The following COBLL1 variants were observed in gnomAD, a reference collection of about 807,000 sequenced individuals.
The protein encoded by COBLL1 is cordon-bleu protein-like 1.
Under a neutral mutation model 94.8 loss-of-function variants are expected in COBLL1, and 50 were observed. The ratio of observed to expected loss-of-function variants is 0.53; its 90% CI spans 0.42 to 0.67. COBLL1 has a LOEUF of 0.67. Ranked by LOEUF, COBLL1 falls within the 30% of genes least tolerant of loss-of-function variation. The probability of loss-of-function intolerance (pLI) is 0.00; values close to 1 mark genes in which losing one functional copy is unlikely to be tolerated. For missense variants in COBLL1, 1,362 were observed against 1,348.7 expected (o/e 1.01, Z -0.15); for synonymous variants, 448 against 473.8 (o/e 0.95, Z 0.71).
chr2:164,703,144 C>T lies in COBLL1; in HGVS notation c.1225+1300G>A, dbSNP rs1420165257. 5 of 1,613,840 alleles carry T rather than the reference C, an allele frequency of 3.1e-6. No homozygotes were observed. In the African/African-American group the frequency reaches 4.0e-5, roughly 13 times the overall value. ...TGGCTGCCTCAGGTGTCCCAGGGCACTCAAAGACAGAGGTTTCCTCCATCA... is the reference window on the plus strand; with the variant it reads ...TGGCTGCCTCAGGTGTCCCAGGGCATTCAAAGACAGAGGTTTCCTCCATCA... On this transcript the variant is annotated intron_variant, in intron 9 of 13. Coordinates refer to ENST00000652658, the MANE Select transcript of COBLL1 (RefSeq NM_001365672.2).
chr2:164,832,962 G>A (rs1283782900), intron 2 of COBLL1, among the ~76,000 whole-genome samples: 1 of 152,010 alleles, frequency 6.6e-6, no homozygotes. Context: ...AGAATTGCTT[G>A]AAACCGGGAG....
intron 2 of COBLL1, among the ~76,000 whole-genome samples, chr2:164,792,533 T>C (rs1210549541): frequency 6.6e-6 from 1 of 152,148 alleles, no homozygotes; most frequent in African/African-American, 2.4e-5. Flanking sequence ...TCAAAAGACG[T>C]AGGACCAAAT....
intron 13 of COBLL1, among the ~76,000 whole-genome samples, chr2:164,688,789 C>T (rs910026479): frequency 3.3e-5 from 5 of 152,056 alleles, no homozygotes; most frequent in African/African-American, 1.2e-4. Flanking sequence ...CCAGTTTTTT[C>T]CTTCCCTCCA....
chr2:164,764,601 A>C (rs1687848050), intron 2 of COBLL1, among the ~76,000 whole-genome samples: 2 of 152,134 alleles, frequency 1.3e-5, no homozygotes, highest in African/African-American at 4.8e-5. Flanking sequence ...AAAATGACTG[A>C]GTCCAGGTGT....
At chr2:164,720,530 T>G (rs1333756708) in intron 7 of COBLL1, among the ~76,000 whole-genome samples, 1 of 152,084 alleles carries the variant, frequency 6.6e-6, no homozygotes, top group Non-Finnish European at 1.5e-5. Context: ...TATATTAATA[T>G]ATGCAAAAAG....
chr2:164,766,723 T>G lies in COBLL1; in HGVS notation c.42-22848A>C, dbSNP rs1273273875. The stretch of plus-strand genomic sequence containing the variant: ...TTCTTAAGACTTCACAGCATAGATA[T>G]ATAGCATGTTCCTAGTACTCTCTGA... On this transcript the variant is annotated intron_variant, in intron 2 of 13. Coordinates refer to ENST00000652658, the MANE Select transcript of COBLL1 (RefSeq NM_001365672.2). Among the ~76,000 whole-genome samples, 4 of 152,306 alleles carry G rather than the reference T, an allele frequency of 2.6e-5. No individual in the cohort carries two copies. In the East Asian group the frequency reaches 7.7e-4, roughly 29 times the overall value.
At chr2:164,818,332 A>ATGTATACATATGTG (rs1356412039) in intron 2 of COBLL1, among the ~76,000 whole-genome samples, 4 of 146,188 alleles carry the variant, frequency 2.7e-5, no homozygotes, top group African/African-American at 1.0e-4. Context: ...ATGTATACAT[A>ATGTATACATATGTG]TATGTATATA....
intron 2 of COBLL1, among the ~76,000 whole-genome samples, chr2:164,787,880 C>G (rs1271819045): frequency 6.6e-6 from 1 of 152,140 alleles, no homozygotes; most frequent in African/African-American, 2.4e-5. Flanking sequence ...TTTCATAGTG[C>G]CTTCTTTTAT....
intron 2 of COBLL1, among the ~76,000 whole-genome samples, chr2:164,756,088 AGG>A (rs372846497): frequency 2.5e-5 from 3 of 119,816 alleles, no homozygotes; most frequent in African/African-American, 6.5e-5. Context: ...GGAGGGAGGG[AGG>A]GAGAGAGAGA....
At chr2:164,674,028 C>G (rs1362793952) in intron 1 of COBLL1, among the ~76,000 whole-genome samples, 1 of 152,050 alleles carries the variant, frequency 6.6e-6, no homozygotes, top group Non-Finnish European at 1.5e-5. Flanking sequence ...TTTAGTCAAG[C>G]TAAAATATAA....
chr2:164,819,402 G>T (rs927613575), intron 2 of COBLL1, among the ~76,000 whole-genome samples: 1 of 152,014 alleles, frequency 6.6e-6, no homozygotes, highest in Admixed American at 6.6e-5. Flanking sequence ...ATTAAATATT[G>T]TAAGAGTTTC....
intron 2 of COBLL1, among the ~76,000 whole-genome samples, chr2:164,787,196 T>C (rs749288166): frequency 2.4e-4 from 37 of 152,276 alleles, no homozygotes; most frequent in Non-Finnish European, 3.8e-4. Flanking sequence ...CCCATATTGA[T>C]AAACCATTCA....
intron 9 of COBLL1, chr2:164,703,619 C>G: frequency 2.4e-6 from 1 of 424,914 alleles, no homozygotes; most frequent in Non-Finnish European, 4.7e-6. Flanking sequence ...ATTCCAAATT[C>G]TTAAATACCA....
At chr2:164,833,449 A>AT (rs371370712) in intron 2 of COBLL1, among the ~76,000 whole-genome samples, 57,826 of 138,322 alleles carry the variant, frequency 0.42, 12,326 homozygotes, top group African/African-American at 0.53. Flanking sequence ...CTGCCTTTAC[A>AT]TTTTTTTTTT....
intron 3 of COBLL1, among the ~76,000 whole-genome samples, chr2:164,741,996 T>G (rs1270256016): frequency 3.9e-5 from 6 of 151,966 alleles, no homozygotes; most frequent in Non-Finnish European, 8.8e-5. Context: ...ATGGAACCGT[T>G]TTAAAGTGAT....
In COBLL1 at chr2:164,841,318, C is replaced by G. The variant is rs1683600359; in HGVS notation, c.-50-72G>C. On this transcript the variant is annotated intron_variant, in intron 1 of 13. Transcript: ENST00000652658. The surrounding 1 kb of genome is among the most constrained non-coding windows in gnomAD (Gnocchi z 5.5). ...CGAGGCCGGAGCGAAGCTGGCTGAG[C>G]GTCAAGAGCCCGCCCGAGCCGCTCC... is the stretch of plus-strand genomic sequence containing the variant. 1 of 1,210,422 alleles carries G rather than the reference C, an allele frequency of 8.3e-7. No homozygotes were observed. The highest frequency in any genetic ancestry group is 1.0e-6 in the Non-Finnish European group (1 of 974,186). 75.0% of individuals were successfully genotyped at this position (1,210,422 alleles called of 1,614,324 possible). A position where few individuals can be genotyped will look rare whatever the true frequency, so the allele number is the denominator to read the frequency against.
chr2:164,807,172 A>C (rs1368229833), intron 2 of COBLL1, among the ~76,000 whole-genome samples: 1 of 151,964 alleles, frequency 6.6e-6, no homozygotes, highest in Non-Finnish European at 1.5e-5. Flanking sequence ...AGGACCAGGC[A>C]TGGTGGCTCA....
intron 2 of COBLL1, among the ~76,000 whole-genome samples, chr2:164,818,336 G>GTATA (rs1019142778): frequency 1.1e-5 from 1 of 88,898 alleles, no homozygotes; most frequent in Non-Finnish European, 2.3e-5. Flanking sequence ...ATACATATAT[G>GTATA]TATATATACA....
intron 2 of COBLL1, among the ~76,000 whole-genome samples, chr2:164,819,803 TG>T (rs1254152450): frequency 2.1e-5 from 3 of 140,018 alleles, no homozygotes; most frequent in Non-Finnish European, 1.5e-5. Flanking sequence ...TTTTTGCCAC[TG>T]TTTTTTTTTT....
Sources: gnomAD v4.1 joint callset for allele counts (sites outside exome capture counted in the v4.1 genomes callset) on GRCh38, gnomAD v4.1.1 for gene constraint, Gnocchi (gnomAD v3.1) non-coding constraint, MANE v1.5 for transcripts, NCBI Gene and HGNC (gene_info 2026-07-23, HGNC 2026-07-21) for gene names.